The following PRRG1 variants were observed in gnomAD, a reference collection of about 807,000 sequenced individuals.
PRRG1 encodes the protein transmembrane gamma-carboxyglutamic acid protein 1.
Under a neutral mutation model 11.8 loss-of-function variants are expected in PRRG1, and 5 were observed. The ratio of observed to expected loss-of-function variants is 0.42; its 90% CI spans 0.22 to 0.89. The LOEUF is 0.89. PRRG1 is among the 40% of genes least tolerant of loss of function. The pLI is 0.28. For synonymous variants in PRRG1, 66 were observed against 60.4 expected (o/e 1.09, Z -0.43); for missense variants, 155 against 166.1 (o/e 0.93, Z 0.37).
chrX:37,404,973 C>T (rs954410803), intron 1 of PRRG1, among the ~76,000 whole-genome samples: 1 of 111,932 alleles, frequency 8.9e-6, no homozygotes, highest in African/African-American at 3.2e-5. Flanking sequence ...AAACGCCCAT[C>T]GCTTACAGAA....
At chrX:37,442,550 T>C (rs1267791577) in intron 3 of PRRG1, among the ~76,000 whole-genome samples, 1 of 111,170 alleles carries the variant, frequency 9.0e-6, no homozygotes. Context: ...ATGTACATGG[T>C]ACAGTGTAAA....
At chrX:37,424,459 G>C (rs1447016214) in intron 2 of PRRG1, among the ~76,000 whole-genome samples, 1 of 111,415 alleles carries the variant, frequency 9.0e-6, no homozygotes. Context: ...AGAAGTGTTA[G>C]AAAATTTTAC....
chrX:37,434,389 T>C (rs1335339408), intron 3 of PRRG1, among the ~76,000 whole-genome samples: 34 of 112,078 alleles, frequency 3.0e-4, no homozygotes, highest in Non-Finnish European at 1.3e-4. Flanking sequence ...AATAGGCTGC[T>C]CCTCATGGCA....
intron 1 of PRRG1, among the ~76,000 whole-genome samples, chrX:37,375,658 A>G (rs1569437456): frequency 9.0e-6 from 1 of 111,439 alleles, no homozygotes; most frequent in East Asian, 2.8e-4. Flanking sequence ...GGATTTAGGT[A>G]TCCGTGGATA....
chrX:37,406,736 T>G (rs935505765), intron 2 of PRRG1, among the ~76,000 whole-genome samples: 1 of 111,399 alleles, frequency 9.0e-6, no homozygotes, highest in Non-Finnish European at 1.9e-5. Context: ...TTAAGAACCA[T>G]TAGATGAATT....
chrX:37,423,946 A>G (rs192270519), intron 2 of PRRG1, among the ~76,000 whole-genome samples: 5 of 111,328 alleles, frequency 4.5e-5, no homozygotes, highest in Admixed American at 9.6e-5. Flanking sequence ...TACCATTGTT[A>G]TAATTGCCTA....
intron 1 of PRRG1, among the ~76,000 whole-genome samples, chrX:37,364,818 G>A (rs782689494): frequency 9.8e-5 from 11 of 111,745 alleles, no homozygotes. Flanking sequence ...ATGTGGTTTT[G>A]CTTCTCTTTT....
intron 1 of PRRG1, among the ~76,000 whole-genome samples, chrX:37,365,266 T>C (rs782320652): frequency 1.8e-5 from 2 of 111,399 alleles, no homozygotes; most frequent in Non-Finnish European, 3.8e-5. Context: ...GGGGTGGTTG[T>C]CAGTCAGCTG....
chrX:37,423,773 A>G (rs1161901511), intron 2 of PRRG1, among the ~76,000 whole-genome samples: 1 of 110,981 alleles, frequency 9.0e-6, no homozygotes, highest in Non-Finnish European at 1.9e-5. Flanking sequence ...AGGCCTTCAC[A>G]TTCACTCACC....
intron 1 of PRRG1, among the ~76,000 whole-genome samples, chrX:37,401,040 A>G (rs1931955916): frequency 9.0e-6 from 1 of 110,764 alleles, no homozygotes; most frequent in African/African-American, 3.3e-5. Context: ...TTCACAGCCG[A>G]ATTCTACCAG....
intron 1 of PRRG1, among the ~76,000 whole-genome samples, chrX:37,354,130 C>T (rs1364359677): frequency 8.9e-6 from 1 of 111,737 alleles, no homozygotes; most frequent in African/African-American, 3.3e-5. Context: ...ACAATAATCA[C>T]AAGATGCATA....
At chrX:37,401,941 CCT>C (rs1292303935) in intron 1 of PRRG1, among the ~76,000 whole-genome samples, 1 of 110,292 alleles carries the variant, frequency 9.1e-6, no homozygotes, top group Non-Finnish European at 1.9e-5. Flanking sequence ...ATGTGAAGGA[CCT>C]CTTCAAGGAG....
intron 1 of PRRG1, among the ~76,000 whole-genome samples, chrX:37,399,631 A>G (rs1602002315): frequency 9.9e-6 from 1 of 101,242 alleles, no homozygotes; most frequent in East Asian, 3.1e-4. Context: ...ACACATAACA[A>G]TATTAACTTT....
Position 37,454,886 on chromosome X carries a change from T to A in PRRG1, c.*1265T>A. The A allele has an allele frequency of 8.9e-6, 1 of 112,399 alleles. No individual in the cohort carries two copies. The highest frequency in any genetic ancestry group is 2.8e-4 in the East Asian group (1 of 3,603). The allele number at this position is 112,399 out of a possible 1,213,427, so 9.3% of individuals were successfully genotyped here. A position where few individuals can be genotyped will look rare whatever the true frequency, so the allele number is the denominator to read the frequency against. On this transcript the variant is annotated 3_prime_UTR_variant, in exon 4 of 4. Transcript: ENST00000378628. The stretch of plus-strand genomic sequence containing the variant: ...AAATGGGTTGCCAACATAAGCTGGC[T>A]GAGAAATAAAAGAAAACAAGACAGT...
chrX:37,414,397 G>T (rs1556384640), intron 2 of PRRG1, among the ~76,000 whole-genome samples: 1 of 112,089 alleles, frequency 8.9e-6, no homozygotes, highest in African/African-American at 3.2e-5. Flanking sequence ...TACAGTCCTA[G>T]TCCTATCATC....
chrX:37,429,960 T>A (rs782327521), intron 3 of PRRG1, among the ~76,000 whole-genome samples: 1 of 111,645 alleles, frequency 9.0e-6, no homozygotes, highest in East Asian at 2.8e-4. Flanking sequence ...TTTCATGAGA[T>A]TTATTCACTA....
intron 2 of PRRG1, among the ~76,000 whole-genome samples, chrX:37,408,352 G>A (rs1282421590): frequency 8.9e-6 from 1 of 112,196 alleles, no homozygotes; most frequent in Non-Finnish European, 1.9e-5. Context: ...GCTGGAGGAG[G>A]CAGTGTCTGA....
rs782102804 is a variant in PRRG1, at chrX:37,453,402, A to T, written c.438A>T (p.Pro146=). 1 of 1,200,542 alleles carries T rather than the reference A, an allele frequency of 8.3e-7. No individual in the cohort carries two copies. The highest frequency in any genetic ancestry group is 1.8e-5 in the African/African-American group (1 of 54,293). Residue 146 remains proline (P), a synonymous_variant, in exon 4 of 4, where the codon CCA becomes CCT. Transcript: ENST00000378628. The stretch of plus-strand genomic sequence containing the variant: ...TGTTTGACAGCAGTGGATTGTCTCC[A>T]GGCTTTCTGGGATATGTAGTTGGGC... The part of the protein sequence containing the change: ...DEVFDSSGLS[P]GFLGYVVGRS...
chrX:37,402,694 G>A (rs1932042802), intron 1 of PRRG1, among the ~76,000 whole-genome samples: 1 of 111,244 alleles, frequency 9.0e-6, no homozygotes, highest in African/African-American at 3.3e-5. Flanking sequence ...GAGTGAACAG[G>A]CAACCTACAA....
Sources: allele counts gnomAD v4.1 joint callset (sites outside exome capture counted in the v4.1 genomes callset), GRCh38; gene constraint gnomAD v4.1.1; transcripts MANE v1.5; gene names NCBI Gene and HGNC (gene_info 2026-07-23, HGNC 2026-07-21).